The following CACNA1C variants were observed in gnomAD, a reference collection of about 807,000 sequenced individuals.
CACNA1C encodes calcium voltage-gated channel subunit alpha1 C, also known as voltage-dependent L-type calcium channel subunit alpha-1C.
In CACNA1C, 30 loss-of-function variants were observed where a neutral mutation model predicts 229.0. That is an observed-to-expected ratio of 0.13 (90% CI 0.10 to 0.18). CACNA1C has a LOEUF of 0.18. Ranked by LOEUF, CACNA1C falls within the 10% of genes least tolerant of loss-of-function variation. The probability of loss-of-function intolerance (pLI) is 1.00; values close to 1 mark genes in which losing one functional copy is unlikely to be tolerated. For synonymous variants in CACNA1C, 1,114 were observed against 1,132.5 expected (o/e 0.98, Z 0.33); for missense variants, 1,658 against 2,845.0 (o/e 0.58, Z 9.49).
At chr12:2,688,401 T>TG (rs1569281655) in intron 45 of CACNA1C, 46 bp from the exon 46 acceptor site, 1 of 1,580,308 alleles carries the variant, frequency 6.3e-7, no homozygotes, top group Non-Finnish European at 8.7e-7. Context: ...CTGCCTTGTT[T>TG]GGGGTCGGCC....
intron 3 of CACNA1C, among the ~76,000 whole-genome samples, chr12:2,124,595 C>T (rs2283284): frequency 0.049 from 7,471 of 152,230 alleles, 450 homozygotes; most frequent in African/African-American, 0.13. Flanking sequence ...ATGGCTCAGA[C>T]GGAGGCCTCA....
chr12:2,217,259 G>A (rs996449281), intron 3 of CACNA1C, among the ~76,000 whole-genome samples: 3 of 152,214 alleles, frequency 2.0e-5, no homozygotes, highest in African/African-American at 4.8e-5. Context: ...GGTGCAGGGG[G>A]AAGTGCGGAG....
intron 1 of CACNA1C, among the ~76,000 whole-genome samples, chr12:1,973,335 G>A (rs1364748273): frequency 6.6e-6 from 1 of 151,908 alleles, no homozygotes; most frequent in Admixed American, 6.6e-5. Context: ...GAACATTTTG[G>A]GGGAAACAGT....
intron 1 of CACNA1C, among the ~76,000 whole-genome samples, chr12:2,000,951 A>G (rs760294980): frequency 2.3e-4 from 35 of 151,968 alleles, no homozygotes; most frequent in Middle Eastern, 3.4e-3. Context: ...GCAGGAGAAT[A>G]GCTTGAACCC....
intron 1 of CACNA1C, among the ~76,000 whole-genome samples, chr12:1,972,556 C>T (rs1055247892): frequency 9.2e-5 from 14 of 152,158 alleles, no homozygotes; most frequent in Admixed American, 4.6e-4. Flanking sequence ...AGTTCAAGAA[C>T]CTATTTCACC....
At chr12:2,271,611 G>A (rs192968856) in intron 3 of CACNA1C, among the ~76,000 whole-genome samples, 1 of 152,272 alleles carries the variant, frequency 6.6e-6, no homozygotes, top group East Asian at 1.9e-4. Flanking sequence ...AGTTTAAATT[G>A]TGTCAAGGCC....
intron 3 of CACNA1C, among the ~76,000 whole-genome samples, chr12:2,129,666 A>G (rs1032364424): frequency 6.6e-6 from 1 of 152,208 alleles, no homozygotes; most frequent in Admixed American, 6.5e-5. Flanking sequence ...TTCTGGGACT[A>G]TACAATTCTT....
At chr12:2,262,162 A>G (rs1295158150) in intron 3 of CACNA1C, among the ~76,000 whole-genome samples, 2 of 152,264 alleles carry the variant, frequency 1.3e-5, no homozygotes, top group Non-Finnish European at 2.9e-5. Context: ...AGTTCAACCC[A>G]GGAGATGCTA....
intron 3 of CACNA1C, among the ~76,000 whole-genome samples, chr12:2,161,093 A>G (rs1347403643): frequency 1.3e-5 from 2 of 152,230 alleles, no homozygotes; most frequent in African/African-American, 2.4e-5. Flanking sequence ...GTGTTGGGAT[A>G]ACAGGCGTGA....
At chr12:2,301,867 C>G (rs1479712511) in intron 3 of CACNA1C, among the ~76,000 whole-genome samples, 2 of 152,192 alleles carry the variant, frequency 1.3e-5, no homozygotes, top group East Asian at 3.9e-4. Context: ...TTTAATGTTC[C>G]TTAGTTGTTA....
intron 1 of CACNA1C, among the ~76,000 whole-genome samples, chr12:2,064,317 C>T (rs1170419049): frequency 6.6e-6 from 1 of 152,178 alleles, no homozygotes; most frequent in African/African-American, 2.4e-5. Flanking sequence ...GTGTCTAGTC[C>T]AGGAGCACCC....
At chr12:2,247,684 T>C (rs2154381529) in intron 3 of CACNA1C, among the ~76,000 whole-genome samples, 1 of 152,338 alleles carries the variant, frequency 6.6e-6, no homozygotes, top group Admixed American at 6.5e-5. Context: ...AAGGAAACTT[T>C]TGCTGAAACC....
In CACNA1C at chr12:2,602,030, C is replaced by A. The variant is rs546507939; in HGVS notation, c.2960+70C>A. 21 of 1,010,078 alleles carry A rather than the reference C, an allele frequency of 2.1e-5. No homozygotes were observed. In the East Asian group the frequency reaches 4.8e-4, roughly 23 times the overall value. The allele number at this position is 1,010,078 out of a possible 1,614,324, so 62.6% of individuals were successfully genotyped here. On this transcript the variant is annotated intron_variant, in intron 22 of 46. Transcript: ENST00000399655. This position sits in a 1 kb window ranked among gnomAD's most constrained non-coding sequence, Gnocchi z 4.4. ...AGGGGTGCCAGAGAGGACAACCAGACCCTGGAGGGCCTGCCTGCAGGGCCA... is the reference window on the plus strand; with the variant it reads ...AGGGGTGCCAGAGAGGACAACCAGAACCTGGAGGGCCTGCCTGCAGGGCCA...
Position 2,344,590 on chromosome 12 carries a change from C to T in CACNA1C, c.478-104386C>T, listed in dbSNP as rs73605777. On this transcript the variant is annotated intron_variant, in intron 3 of 46. Coordinates refer to ENST00000399655, the MANE Select transcript of CACNA1C (RefSeq NM_000719.7). ...ATACATGGCCCAAAACCTCCTCCCT[C>T]AATAGTGTCTTGAGTGCGGAGTCTG... is the stretch of plus-strand genomic sequence containing the variant. Among the ~76,000 whole-genome samples the T allele has an allele frequency of 1.3e-3, 201 of 152,260 alleles. 1 individual carries two copies. The highest frequency in any genetic ancestry group is 4.6e-3 in the African/African-American group (193 of 41,550).
intron 25 of CACNA1C, 111 bp downstream of exon 25, chr12:2,606,774 C>G: frequency 9.9e-7 from 1 of 1,006,790 alleles, no homozygotes; most frequent in Non-Finnish European, 1.5e-6. Context: ...GTGGCACCTG[C>G]GCTCTGCCTG....
intron 3 of CACNA1C, among the ~76,000 whole-genome samples, chr12:2,322,048 T>C (rs902168065): frequency 2.0e-5 from 3 of 152,228 alleles, no homozygotes; most frequent in African/African-American, 7.2e-5. Context: ...TAGCCAAAAC[T>C]AATTTATTTA....
intron 3 of CACNA1C, among the ~76,000 whole-genome samples, chr12:2,140,453 A>G (rs1042408057): frequency 1.3e-5 from 2 of 151,406 alleles, no homozygotes; most frequent in African/African-American, 4.8e-5. Context: ...TTCATGGACT[A>G]GGGATTCTGG....
chr12:2,457,499 G>A, intron 4 of CACNA1C, 68 bp from the exon 5 acceptor site: 1 of 1,547,226 alleles, frequency 6.5e-7, no homozygotes, highest in African/African-American at 1.4e-5. Flanking sequence ...TGTATCCAGA[G>A]GTCAGAGCCC....
intron 38 of CACNA1C, among the ~76,000 whole-genome samples, chr12:2,669,731 G>A (rs1174101184): frequency 6.6e-6 from 1 of 152,230 alleles, no homozygotes; most frequent in African/African-American, 2.4e-5. Context: ...CACACATTGT[G>A]CGGGCTGAGC....
Sources: allele counts gnomAD v4.1 joint callset (sites outside exome capture counted in the v4.1 genomes callset), GRCh38; gene constraint gnomAD v4.1.1; non-coding constraint Gnocchi (gnomAD v3.1); transcripts MANE v1.5; gene names NCBI Gene and HGNC (gene_info 2026-07-23, HGNC 2026-07-21).